The following RAB3GAP1 variants were observed in gnomAD, a reference collection of about 807,000 sequenced individuals.
RAB3GAP1 encodes the protein rab3 GTPase-activating protein catalytic subunit.
In RAB3GAP1, 86 loss-of-function variants were observed where a neutral mutation model predicts 130.7. The ratio of observed to expected loss-of-function variants is 0.66; its 90% CI spans 0.55 to 0.79. The LOEUF (loss-of-function observed/expected upper bound fraction) is 0.79, where lower values mean the gene tolerates loss of function less well. Ranked by LOEUF, RAB3GAP1 falls within the 30% of genes least tolerant of loss-of-function variation. The pLI, the probability that RAB3GAP1 is intolerant of heterozygous loss-of-function variation, is 0.00. For synonymous variants in RAB3GAP1, 367 were observed against 401.7 expected (o/e 0.91, Z 1.03); for missense variants, 1,029 against 1,169.4 (o/e 0.88, Z 1.75).
intron 3 of RAB3GAP1, among the ~76,000 whole-genome samples, chr2:135,081,361 T>TATATACACAC (rs1216831944): frequency 2.8e-5 from 2 of 71,260 alleles, no homozygotes; most frequent in Non-Finnish European, 4.5e-5. Context: ...TATATATATA[T>TATATACACAC]ACACACACGT....
chr2:135,143,845 G>A (rs370032623), intron 17 of RAB3GAP1, among the ~76,000 whole-genome samples: 1 of 152,164 alleles, frequency 6.6e-6, no homozygotes, highest in Non-Finnish European at 1.5e-5. Flanking sequence ...CACTGTGTCC[G>A]GCCCTAACAT....
At chr2:135,172,760 A>G (rs115759585), downstream of RAB3GAP1, among the ~76,000 whole-genome samples, 1,061 of 152,250 alleles carry the variant, frequency 7.0e-3, 11 homozygotes, top group African/African-American at 0.015. Context: ...AGCTTGGGCC[A>G]TGTTAATTTT....
chr2:135,125,983 A>G (rs1326500062), intron 9 of RAB3GAP1, among the ~76,000 whole-genome samples, 198 bp from the exon 10 acceptor site: 2 of 152,196 alleles, frequency 1.3e-5, no homozygotes, highest in Non-Finnish European at 2.9e-5. Flanking sequence ...GCTATTATGT[A>G]TAATGAGATG....
At chr2:135,137,365 C>G (rs1219012192) in intron 17 of RAB3GAP1, 1 of 178,734 alleles carries the variant, frequency 5.6e-6, no homozygotes, top group Non-Finnish European at 1.2e-5. Context: ...AAAAAGGACC[C>G]TAAAGTAAAT....
intron 3 of RAB3GAP1, among the ~76,000 whole-genome samples, chr2:135,077,965 A>G (rs2104852437): frequency 6.6e-6 from 1 of 152,312 alleles, no homozygotes; most frequent in Admixed American, 6.5e-5. Flanking sequence ...GTGATATATG[A>G]CTTACAAATA....
Position 135,082,141 on chromosome 2 carries a change from C to CAATGAATGAATGAATGAATG in RAB3GAP1, c.151-8853_151-8834dup, listed in dbSNP as rs112935823. Among the ~76,000 whole-genome samples the CAATGAATGAATGAATGAATG allele has an allele frequency of 3.5e-3, 526 of 148,742 alleles. 5 individuals carry two copies. Among genetic ancestry groups the CAATGAATGAATGAATGAATG allele is most frequent in the African/African-American group, 0.011 (449 of 39,680 alleles). On this transcript the variant is annotated intron_variant, in intron 3 of 23. Transcript: ENST00000264158. The stretch of plus-strand genomic sequence containing the variant: ...TGGGTGACAGAGCAAGACTCTGTCT[C>CAATGAATGAATGAATGAATG]AATGAATGAATGAATGAATGAATAA...
intron 3 of RAB3GAP1, among the ~76,000 whole-genome samples, chr2:135,080,478 T>G (rs1485722921): frequency 1.3e-5 from 2 of 152,112 alleles, no homozygotes; most frequent in Admixed American, 6.6e-5. Context: ...GGAGTATAGA[T>G]TTTGACTGCT....
At chr2:135,141,441 G>A (rs1691836026) in intron 17 of RAB3GAP1, among the ~76,000 whole-genome samples, 1 of 151,940 alleles carries the variant, frequency 6.6e-6, no homozygotes, top group Non-Finnish European at 1.5e-5. Context: ...GGCCAGGCTG[G>A]TCTCGAACTC....
At chr2:135,126,845 C>G (rs1027581030) in intron 11 of RAB3GAP1, among the ~76,000 whole-genome samples, 189 bp downstream of exon 11, 5 of 152,162 alleles carry the variant, frequency 3.3e-5, no homozygotes, top group South Asian at 2.1e-4. Context: ...TTCTCATTAT[C>G]TCAGCTTTAT....
intron 17 of RAB3GAP1, among the ~76,000 whole-genome samples, chr2:135,146,954 T>C (rs533259722): frequency 6.8e-6 from 1 of 147,962 alleles, no homozygotes; most frequent in African/African-American, 2.6e-5. Context: ...ATTATGTGAT[T>C]ATTTCAAGGG....
chr2:135,137,526 A>T (rs1691708294), intron 17 of RAB3GAP1, among the ~76,000 whole-genome samples: 1 of 152,254 alleles, frequency 6.6e-6, no homozygotes, highest in Admixed American at 6.5e-5. Flanking sequence ...TTCATTAAAA[A>T]GGGCTAACTT....
chr2:135,056,344 A>G (rs1383035714), intron 2 of RAB3GAP1, among the ~76,000 whole-genome samples: 1 of 152,048 alleles, frequency 6.6e-6, no homozygotes, highest in Non-Finnish European at 1.5e-5. Flanking sequence ...CTGGGATTAC[A>G]GGTGCCTGCC....
At chr2:135,134,466 A>T (rs565163401) in intron 15 of RAB3GAP1, among the ~76,000 whole-genome samples, 9 of 152,230 alleles carry the variant, frequency 5.9e-5, no homozygotes, top group Admixed American at 5.9e-4. Context: ...TTATACTTTT[A>T]TTTTGTTCTT....
chr2:135,142,324 T>C (rs1436982812), intron 17 of RAB3GAP1, among the ~76,000 whole-genome samples: 1 of 152,178 alleles, frequency 6.6e-6, no homozygotes, highest in African/African-American at 2.4e-5. Flanking sequence ...TAAAAGTTCA[T>C]TTTCCAATTT....
At chr2:135,096,694 CCTAA>C (rs1287572152) in intron 5 of RAB3GAP1, among the ~76,000 whole-genome samples, 1 of 152,068 alleles carries the variant, frequency 6.6e-6, no homozygotes, top group East Asian at 1.9e-4. Flanking sequence ...AGGTTTAATT[CCTAA>C]CTCAGGTACT....
intron 19 of RAB3GAP1, among the ~76,000 whole-genome samples, chr2:135,156,204 C>T (rs1692304725): frequency 6.6e-6 from 1 of 151,962 alleles, no homozygotes; most frequent in Admixed American, 6.6e-5. Flanking sequence ...CAAGGAACTG[C>T]CACATTAAAA....
At position 135,130,074 on chromosome 2, in the gene RAB3GAP1, G is replaced by T; in HGVS notation, c.1053G>T (p.Glu351Asp). The T allele has an allele frequency of 6.2e-7, 1 of 1,612,006 alleles. No individual in the cohort carries two copies. The highest frequency in any genetic ancestry group is 1.3e-5 in the African/African-American group (1 of 74,888). ...TDEILGRSAF[E>D]EEGKETADIT... ...AGATTCTTGGACGATCTGCATTTGA[G>T]GAAGAAGGCAAAGGTAACCTACATT... Residue 351 changes from glutamate (E) to aspartate (D), a missense_variant, in exon 12 of 24, where the codon GAG becomes GAT. Glu to Asp is a conservative substitution (Grantham distance 45). Transcript: ENST00000264158.
intron 17 of RAB3GAP1, among the ~76,000 whole-genome samples, chr2:135,147,708 G>A (rs972421566): frequency 1.4e-5 from 2 of 147,694 alleles, no homozygotes; most frequent in Non-Finnish European, 3.0e-5. Context: ...AATCTCCCAG[G>A]CTCAAGCGGT....
chr2:135,171,369 A>G (rs1347236916), downstream of RAB3GAP1, among the ~76,000 whole-genome samples: 1 of 152,148 alleles, frequency 6.6e-6, no homozygotes, highest in East Asian at 1.9e-4. Context: ...ACACTCTGGC[A>G]GGAGAGGAGA....
Sources: allele counts gnomAD v4.1 joint callset (sites outside exome capture counted in the v4.1 genomes callset), GRCh38; gene constraint gnomAD v4.1.1; transcripts MANE v1.5; gene names NCBI Gene and HGNC (gene_info 2026-07-23, HGNC 2026-07-21).